Variants in PDE1A observed in about 807,000 individuals in gnomAD.
The protein encoded by PDE1A is dual specificity calcium/calmodulin-dependent 3',5'-cyclic nucleotide phosphodiesterase 1A.
Under a neutral mutation model 61.7 loss-of-function variants are expected in PDE1A, and 35 were observed. That is an observed-to-expected ratio of 0.57 (90% CI 0.43 to 0.75). PDE1A has a LOEUF of 0.75. PDE1A is among the 30% of genes least tolerant of loss of function. PDE1A has a pLI of 0.00. For synonymous variants in PDE1A, 232 were observed against 213.2 expected (o/e 1.09, Z -0.77); for missense variants, 597 against 630.6 (o/e 0.95, Z 0.57).
the PDE1A span, among the ~76,000 whole-genome samples, chr2:182,690,418 G>A: frequency 2.0e-5 from 3 of 152,068 alleles, no homozygotes; most frequent in African/African-American, 7.2e-5. Flanking sequence ...AATAGAACCA[G>A]AGACAAAAAC....
intron 1 of PDE1A, among the ~76,000 whole-genome samples, chr2:182,334,472 T>C (rs1317065623): frequency 6.6e-6 from 1 of 152,174 alleles, no homozygotes; most frequent in Non-Finnish European, 1.5e-5. Flanking sequence ...TGGTTCAACA[T>C]ATGCAAATCA....
chr2:182,385,263 T>A (rs1359203867), intron 1 of PDE1A, among the ~76,000 whole-genome samples: 1 of 152,230 alleles, frequency 6.6e-6, no homozygotes, highest in Non-Finnish European at 1.5e-5. Context: ...AAATTCATCA[T>A]ACTCTAATAC....
intron 13 of PDE1A, among the ~76,000 whole-genome samples, chr2:182,171,147 A>C (rs1436983356): frequency 6.6e-6 from 1 of 152,060 alleles, no homozygotes; most frequent in East Asian, 1.9e-4. Context: ...AAACCGTAAA[A>C]TGTTAAAAAT....
At chr2:182,421,434 C>A (rs968359009) in intron 1 of PDE1A, among the ~76,000 whole-genome samples, 3 of 152,076 alleles carry the variant, frequency 2.0e-5, no homozygotes, top group African/African-American at 7.2e-5. Flanking sequence ...TGGAGTTATC[C>A]AAAAGATTAC....
intron 2 of PDE1A, among the ~76,000 whole-genome samples, chr2:182,460,056 A>G (rs146647211): frequency 1.6e-4 from 24 of 152,234 alleles, no homozygotes; most frequent in African/African-American, 5.1e-4. Context: ...TATTTAGTCC[A>G]TGGCCACAAT....
intron 1 of PDE1A, among the ~76,000 whole-genome samples, chr2:182,371,188 T>C (rs1700111786): frequency 6.6e-6 from 1 of 152,142 alleles, no homozygotes. Context: ...AAAAAAGTAG[T>C]TATAAAATAT....
chr2:182,464,082 C>G (rs1240063126), intron 2 of PDE1A, among the ~76,000 whole-genome samples: 3 of 152,140 alleles, frequency 2.0e-5, no homozygotes, highest in African/African-American at 7.2e-5. Flanking sequence ...CTCTCTCCCC[C>G]ATCCTGACCT....
intron 1 of PDE1A, among the ~76,000 whole-genome samples, chr2:182,271,086 A>G (rs931166295): frequency 1.3e-5 from 2 of 151,872 alleles, no homozygotes; most frequent in African/African-American, 4.8e-5. Context: ...AACAAACGGG[A>G]TCAATGGCAT....
At chr2:182,258,997 A>G (rs1692022547) in intron 2 of PDE1A, among the ~76,000 whole-genome samples, 1 of 152,212 alleles carries the variant, frequency 6.6e-6, no homozygotes, top group African/African-American at 2.4e-5. Context: ...GATTCTGATT[A>G]CCAGTGTGTC....
At chr2:182,148,432 G>A (rs895315877) in intron 13 of PDE1A, among the ~76,000 whole-genome samples, 6 of 152,188 alleles carry the variant, frequency 3.9e-5, no homozygotes, top group East Asian at 1.9e-4. Flanking sequence ...CCTGGCAGGC[G>A]TTTACAGCTG....
chr2:182,204,303 G>A (rs758933271), intron 8 of PDE1A, among the ~76,000 whole-genome samples: 1 of 152,132 alleles, frequency 6.6e-6, no homozygotes, highest in East Asian at 1.9e-4. Flanking sequence ...GCCCAACAGT[G>A]GTCTCTTTAA....
chr2:182,657,819 G>T, the PDE1A span, among the ~76,000 whole-genome samples: 1 of 152,016 alleles, frequency 6.6e-6, no homozygotes, highest in Admixed American at 6.6e-5. Context: ...AAGTTTAGCT[G>T]TCCCTTTGTA....
At chr2:182,634,775 A>G in the PDE1A span, among the ~76,000 whole-genome samples, 1,216 of 104,478 alleles carry the variant, frequency 0.012, 15 homozygotes, top group African/African-American at 0.037. Context: ...TTTAACAGCA[A>G]TTTGCACTGG....
At chr2:182,418,690 G>T (rs1172992154) in intron 1 of PDE1A, among the ~76,000 whole-genome samples, 1 of 152,164 alleles carries the variant, frequency 6.6e-6, no homozygotes, top group East Asian at 1.9e-4. Flanking sequence ...TACACCCTTT[G>T]GTTATGCCCT....
chr2:182,549,175 T>C, the PDE1A span, among the ~76,000 whole-genome samples: 1 of 152,162 alleles, frequency 6.6e-6, no homozygotes, highest in Admixed American at 6.5e-5. Context: ...TTTCAAAAAA[T>C]ATTTGAGATA....
At chr2:182,676,898 A>G in the PDE1A span, among the ~76,000 whole-genome samples, 2 of 152,226 alleles carry the variant, frequency 1.3e-5, no homozygotes, top group Non-Finnish European at 2.9e-5. Flanking sequence ...TAAACTAGGT[A>G]TAGAAGGAAC....
At chr2:182,209,496 G>T (rs1687398227) in intron 7 of PDE1A, among the ~76,000 whole-genome samples, 1 of 151,162 alleles carries the variant, frequency 6.6e-6, no homozygotes, top group South Asian at 2.1e-4. Context: ...AGATTTGGGT[G>T]GGGGACACAG....
chr2:182,642,562 G>C, the PDE1A span, among the ~76,000 whole-genome samples: 28 of 152,282 alleles, frequency 1.8e-4, no homozygotes, highest in South Asian at 5.8e-3. Flanking sequence ...TGGAGGGTGT[G>C]CTATGGAGGA....
At chr2:182,677,972 T>C in the PDE1A span, among the ~76,000 whole-genome samples, 3 of 152,138 alleles carry the variant, frequency 2.0e-5, no homozygotes, top group African/African-American at 4.8e-5. Flanking sequence ...TAGGAATAGA[T>C]AGAAACTTTC....
Sources: allele counts gnomAD v4.1 joint callset (sites outside exome capture counted in the v4.1 genomes callset), GRCh38; gene constraint gnomAD v4.1.1; transcripts MANE v1.5; gene names NCBI Gene and HGNC (gene_info 2026-07-23, HGNC 2026-07-21).